Variants in EHMT1 observed in about 807,000 individuals in gnomAD.
EHMT1 encodes the protein histone-lysine N-methyltransferase EHMT1.
Under a neutral mutation model 147.2 loss-of-function variants are expected in EHMT1, and 15 were observed. That is an observed-to-expected ratio of 0.10 (90% CI 0.07 to 0.16). The LOEUF is 0.16. EHMT1 is among the 10% of genes least tolerant of loss of function. The probability of loss-of-function intolerance (pLI) is 1.00; values close to 1 mark genes in which losing one functional copy is unlikely to be tolerated. For missense variants in EHMT1, 1,587 were observed against 1,772.4 expected (o/e 0.90, Z 1.88); for synonymous variants, 795 against 709.6 (o/e 1.12, Z -1.91).
intron 2 of EHMT1, among the ~76,000 whole-genome samples, chr9:137,711,831 G>A (rs547896865): frequency 2.4e-4 from 37 of 152,304 alleles, no homozygotes; most frequent in Admixed American, 5.9e-4. Context: ...GGTGGCGGCC[G>A]TGGGAGCAGC....
chr9:137,669,511 CG>C (rs148611825), intron 1 of EHMT1, among the ~76,000 whole-genome samples: 19 of 4,866 alleles, frequency 3.9e-3, no homozygotes, highest in African/African-American at 8.7e-3. Flanking sequence ...CAAGACGCCC[CG>C]CACAGCACGT....
Position 137,798,864 on chromosome 9 carries a change from G to C in EHMT1, c.2557G>C (p.Glu853Gln), listed in dbSNP as rs1267450776. 7.4e-6 allele frequency: 12 copies of C among 1,614,068 alleles called. No individual in the cohort carries two copies. In the African/African-American group the frequency reaches 1.3e-4, roughly 18 times the overall value. Residue 853 changes from glutamate to glutamine, a missense_variant, in exon 17 of 27, where the codon GAA (glutamate) becomes CAA (glutamine). Glu to Gln is a conservative substitution (Grantham distance 29, BLOSUM62 2). Coordinates refer to ENST00000460843, the MANE Select transcript of EHMT1 (RefSeq NM_024757.5). ...LHLAAKKGHY[E>Q]VVQYLLSNGQ... The stretch of plus-strand genomic sequence containing the variant: ...CCTGGCTGCCAAGAAAGGCCACTAC[G>C]AAGTGGTCCAGTACCTGCTTTCAAA...
At chr9:137,780,375 GTGTGATGACGCTGGGATGTGT>G (rs1951320787) in intron 14 of EHMT1, among the ~76,000 whole-genome samples, 1 of 116,654 alleles carries the variant, frequency 8.6e-6, no homozygotes, top group Non-Finnish European at 1.7e-5. Flanking sequence ...ACGCTGAGAC[GTGTGATGACGCTGGGATGTGT>G]GGTGATGACG....
intron 22 of EHMT1, 126 bp downstream of exon 22, chr9:137,814,634 C>G: frequency 9.0e-7 from 1 of 1,105,770 alleles, no homozygotes; most frequent in Non-Finnish European, 1.3e-6. Flanking sequence ...TGGAGGTGAG[C>G]TGGGTGTGAC....
intron 1 of EHMT1, among the ~76,000 whole-genome samples, chr9:137,668,552 A>G (rs1216556582): frequency 6.6e-6 from 1 of 152,208 alleles, no homozygotes; most frequent in East Asian, 1.9e-4. Flanking sequence ...ACAGAGCACC[A>G]GAAATCCAGA....
At chr9:137,643,362 A>G (rs1844639048) in intron 1 of EHMT1, among the ~76,000 whole-genome samples, 1 of 118,870 alleles carries the variant, frequency 8.4e-6, no homozygotes, top group Non-Finnish European at 1.7e-5. Context: ...TTTTTTTTAG[A>G]CAGAGTCTCA....
At chr9:137,694,537 A>G (rs1451961678) in intron 1 of EHMT1, among the ~76,000 whole-genome samples, 3 of 152,160 alleles carry the variant, frequency 2.0e-5, no homozygotes, top group African/African-American at 7.2e-5. Context: ...TTGGTCAGCA[A>G]CCTTGTGGTT....
rs1328383937 is a variant in EHMT1, at chr9:137,732,818, C to T, written c.823+4289C>T. ...TCCATTGCCTGCCATTCATTGTTGC[C>T]TCCCTGTGGGAGGGGTGTTGGAGCC... On this transcript the variant is annotated intron_variant, in intron 4 of 26. Coordinates refer to ENST00000460843, the MANE Select transcript of EHMT1 (RefSeq NM_024757.5). This position sits in a 1 kb window ranked among gnomAD's most constrained non-coding sequence, Gnocchi z 4.6. Among the ~76,000 whole-genome samples, 1 of 152,170 alleles carries T rather than the reference C, an allele frequency of 6.6e-6. No individual in the cohort carries two copies. Among genetic ancestry groups the T allele is most frequent in the African/African-American group, 2.4e-5 (1 of 41,436 alleles).
At chr9:137,696,146 A>G (rs1943379374) in intron 1 of EHMT1, among the ~76,000 whole-genome samples, 1 of 152,228 alleles carries the variant, frequency 6.6e-6, no homozygotes, top group African/African-American at 2.4e-5. Flanking sequence ...GAAAAAACAA[A>G]AAGACAAAAG....
At chr9:137,696,551 GT>G (rs1435058097) in intron 1 of EHMT1, among the ~76,000 whole-genome samples, 1 of 152,320 alleles carries the variant, frequency 6.6e-6, no homozygotes, top group East Asian at 1.9e-4. Flanking sequence ...GTTTTTAAAT[GT>G]TGATAGCGTG....
At chr9:137,745,611 A>G (rs1345808715) in intron 6 of EHMT1, 2 of 398,584 alleles carry the variant, frequency 5.0e-6, no homozygotes, top group East Asian at 7.1e-5. Context: ...CCCTGACTGC[A>G]CCGTGGGGAA....
chr9:137,682,243 C>T (rs569483560), intron 1 of EHMT1, among the ~76,000 whole-genome samples: 180 of 152,166 alleles, frequency 1.2e-3, no homozygotes, highest in Non-Finnish European at 2.0e-3. Flanking sequence ...CCACCGTGTC[C>T]GGCCAAAATC....
chr9:137,672,102 C>T (rs567514236), intron 1 of EHMT1, among the ~76,000 whole-genome samples: 41 of 152,332 alleles, frequency 2.7e-4, no homozygotes. Context: ...TGCTGAGTGT[C>T]AGGCACGAGA....
At chr9:137,638,298 C>T (rs10867034) in intron 1 of EHMT1, 19,452 of 151,936 alleles carry the variant, frequency 0.13, 1,774 homozygotes, top group Admixed American at 0.28. Context: ...TTTTAGGAGA[C>T]GGAGTTTCAC....
intron 25 of EHMT1, among the ~76,000 whole-genome samples, chr9:137,820,515 A>G (rs1179235583): frequency 6.6e-6 from 1 of 152,200 alleles, no homozygotes; most frequent in Non-Finnish European, 1.5e-5. Context: ...AGTTCAGTTT[A>G]TCAGTCTTTT....
At chr9:137,697,078 A>AC (rs1248084679) in intron 1 of EHMT1, 2 of 368,112 alleles carry the variant, frequency 5.4e-6, no homozygotes, top group Non-Finnish European at 1.1e-5. Context: ...GTCAGGAGTT[A>AC]GAGACCAGCC....
At chr9:137,799,266 C>T (rs1228362101) in intron 17 of EHMT1, among the ~76,000 whole-genome samples, 1 of 152,060 alleles carries the variant, frequency 6.6e-6, no homozygotes, top group African/African-American at 2.4e-5. Flanking sequence ...TGTGAATGCT[C>T]ACAGCAGGGC....
chr9:137,738,163 C>T (rs567141626), intron 4 of EHMT1, among the ~76,000 whole-genome samples: 2 of 151,260 alleles, frequency 1.3e-5, no homozygotes, highest in Admixed American at 1.3e-4. Context: ...CACTGCACTC[C>T]AGCCTGGGTG....
chr9:137,632,550 C>T lies in EHMT1; in HGVS notation c.21+13501C>T, dbSNP rs557143595. Among the ~76,000 whole-genome samples, 16 of 152,212 alleles carry T rather than the reference C, an allele frequency of 1.1e-4. No homozygotes were observed. The South Asian group carries it at 1.9e-3, about 18-fold the overall frequency. Reference sequence around the variant, plus strand: ...TCCCGAGTAGCTGGGATTACAGATGCGTGCCACCACACCTAGGTAATTTTT... The same window carrying T: ...TCCCGAGTAGCTGGGATTACAGATGTGTGCCACCACACCTAGGTAATTTTT... On this transcript the variant is annotated intron_variant, in intron 1 of 26. Coordinates refer to ENST00000460843, the MANE Select transcript of EHMT1 (RefSeq NM_024757.5).
Sources: gnomAD v4.1 joint callset for allele counts (sites outside exome capture counted in the v4.1 genomes callset) on GRCh38, gnomAD v4.1.1 for gene constraint, Gnocchi (gnomAD v3.1) non-coding constraint, MANE v1.5 for transcripts, NCBI Gene and HGNC (gene_info 2026-07-23, HGNC 2026-07-21) for gene names.